The following ADI1 variants were observed in gnomAD, a reference collection of about 807,000 sequenced individuals.
ADI1 encodes acireductone dioxygenase 1, also known as acireductone dioxygenase.
In ADI1, 21 loss-of-function variants were observed where a neutral mutation model predicts 18.7. The observed-to-expected ratio is 1.13, with a 90% CI of 0.80 to 1.62. The LOEUF (loss-of-function observed/expected upper bound fraction) is 1.62, where lower values mean the gene tolerates loss of function less well. Ranked by LOEUF, ADI1 falls within the 40% of genes most tolerant of loss-of-function variation. The pLI is 0.00. For missense variants in ADI1, 245 were observed against 254.9 expected (o/e 0.96, Z 0.26); for synonymous variants, 90 against 100.1 (o/e 0.90, Z 0.60).
chr2:3,511,342 T>C (rs745849282), intron 2 of ADI1, among the ~76,000 whole-genome samples: 15 of 152,048 alleles, frequency 9.9e-5, no homozygotes, highest in Admixed American at 2.0e-4. Context: ...CTTTTTCTTA[T>C]AATTTACTTC....
intron 2 of ADI1, among the ~76,000 whole-genome samples, chr2:3,504,732 T>C (rs969304700): frequency 6.6e-6 from 1 of 152,160 alleles, no homozygotes; most frequent in Non-Finnish European, 1.5e-5. Flanking sequence ...CTGCGTATGT[T>C]TGTATTGTCT....
At chr2:3,501,078 G>C in intron 2 of ADI1, 85 bp from the exon 3 acceptor site, 1 of 1,287,056 alleles carries the variant, frequency 7.8e-7, no homozygotes, top group Non-Finnish European at 1.1e-6. Flanking sequence ...CTGAGCCTTT[G>C]GTGGGCCAGA....
Position 3,516,972 on chromosome 2 carries a change from C to T in ADI1, c.120+2396G>A, listed in dbSNP as rs1034408316. Reference sequence around the variant, plus strand: ...AAACTTCTGGCTTCAGGCAATCTGCCGCCTCAGCCTCCCAAAGTGCTGGGA... The same window carrying T: ...AAACTTCTGGCTTCAGGCAATCTGCTGCCTCAGCCTCCCAAAGTGCTGGGA... On this transcript the variant is annotated intron_variant, in intron 1 of 3. Coordinates refer to ENST00000327435, the MANE Select transcript of ADI1 (RefSeq NM_018269.4). 3.7e-5 allele frequency: 36 copies of T among 979,724 alleles called. 1 individual carries two copies. The highest frequency in any genetic ancestry group is 3.3e-4 in the South Asian group (7 of 21,182). The allele number at this position is 979,724 out of a possible 1,614,324, so 60.7% of individuals were successfully genotyped here. A position where few individuals can be genotyped will look rare whatever the true frequency, so the allele number is the denominator to read the frequency against.
chr2:3,511,527 T>C (rs1346493850), intron 2 of ADI1, among the ~76,000 whole-genome samples: 2 of 152,240 alleles, frequency 1.3e-5, no homozygotes, highest in Non-Finnish European at 1.5e-5. Context: ...AGGAAGCACA[T>C]GCTTCCTGTA....
At chr2:3,511,380 T>C (rs1017358081) in intron 2 of ADI1, among the ~76,000 whole-genome samples, 3 of 151,946 alleles carry the variant, frequency 2.0e-5, no homozygotes, top group Non-Finnish European at 4.4e-5. Context: ...TCTTGTGAGA[T>C]CTGGTCATTT....
intron 3 of ADI1, among the ~76,000 whole-genome samples, chr2:3,499,926 G>T (rs1243842136): frequency 3.9e-5 from 6 of 152,124 alleles, no homozygotes; most frequent in Non-Finnish European, 8.8e-5. Flanking sequence ...TTAGCCGGGC[G>T]TGGTGGTGTG....
intron 1 of ADI1, chr2:3,517,403 C>G (rs1667432441): frequency 6.6e-6 from 1 of 152,150 alleles, no homozygotes; most frequent in Admixed American, 6.5e-5. Flanking sequence ...AGAATAAAAG[C>G]TAATTAGATC....
intron 2 of ADI1, among the ~76,000 whole-genome samples, chr2:3,502,911 G>GA (rs1399531852): frequency 1.3e-5 from 2 of 152,060 alleles, no homozygotes; most frequent in African/African-American, 4.8e-5. Context: ...GGATTGAGAG[G>GA]ATGGGAAAAA....
intron 3 of ADI1, 60 bp from the exon 4 acceptor site, chr2:3,499,142 T>C (rs1666936194): frequency 1.9e-6 from 3 of 1,570,718 alleles, no homozygotes; most frequent in African/African-American, 2.7e-5. Flanking sequence ...CTACTTAGTA[T>C]TTATTAACAT....
chr2:3,507,343 G>A (rs371681167), intron 2 of ADI1, among the ~76,000 whole-genome samples: 41 of 152,120 alleles, frequency 2.7e-4, no homozygotes, highest in Middle Eastern at 3.4e-3. Flanking sequence ...ACACCAAGCA[G>A]GATAAATGCC....
intron 2 of ADI1, among the ~76,000 whole-genome samples, chr2:3,506,500 G>A (rs1302378303): frequency 6.6e-6 from 1 of 152,138 alleles, no homozygotes; most frequent in African/African-American, 2.4e-5. Context: ...AACAAAATAT[G>A]CATAAGATCT....
intron 2 of ADI1, among the ~76,000 whole-genome samples, chr2:3,502,000 TCC>T (rs1491343362): frequency 9.2e-6 from 1 of 108,546 alleles, no homozygotes; most frequent in Admixed American, 9.1e-5. Flanking sequence ...CACCTCCCGC[TCC>T]ACACACACAC....
At chr2:3,517,753 C>G (rs77190954) in intron 1 of ADI1, 3 of 127,216 alleles carry the variant, frequency 2.4e-5, no homozygotes, top group African/African-American at 8.6e-5. Flanking sequence ...GCAAAAAGAG[C>G]AAAAAAAAAA....
chr2:3,506,361 T>C (rs558797070), intron 2 of ADI1, among the ~76,000 whole-genome samples: 114 of 152,300 alleles, frequency 7.5e-4, no homozygotes, highest in Admixed American at 1.5e-3. Flanking sequence ...GTTTGCAGGA[T>C]ACAGGGTTAA....
chr2:3,515,408 C>A (rs148727329), intron 1 of ADI1: 9,923 of 151,796 alleles, frequency 0.065, 457 homozygotes, highest in Non-Finnish European at 0.099. Flanking sequence ...GGAAAAACTC[C>A]ACCCTGGTAA....
chr2:3,514,853 G>C, intron 1 of ADI1: 2 of 1,548,666 alleles, frequency 1.3e-6, no homozygotes, highest in Non-Finnish European at 1.7e-6. Context: ...ACCCCGAATG[G>C]AGGGACCGGC....
intron 2 of ADI1, 137 bp downstream of exon 2, chr2:3,513,720 A>C (rs757377139): frequency 3.2e-6 from 3 of 925,342 alleles, no homozygotes; most frequent in Non-Finnish European, 4.6e-6. Context: ...TATAAATTAC[A>C]CAGTTTCAGG....
intron 1 of ADI1, chr2:3,514,814 A>G: frequency 6.5e-7 from 1 of 1,549,044 alleles, no homozygotes; most frequent in African/African-American, 1.4e-5. Context: ...TTACTGAACA[A>G]CAAACTCCAG....
chr2:3,497,768 A>C lies in ADI1; in HGVS notation c.*1195T>G, dbSNP rs1223522094. 1 of 152,238 alleles carries C rather than the reference A, an allele frequency of 6.6e-6. No homozygotes were observed. The highest frequency in any genetic ancestry group is 1.5e-5 in the Non-Finnish European group (1 of 68,036). The allele number at this position is 152,238 out of a possible 1,614,324, so 9.4% of individuals were successfully genotyped here. On this transcript the variant is annotated 3_prime_UTR_variant, in exon 4 of 4. Transcript: ENST00000327435. ...CGCAGGAGGCCAGCCCCGCACGAGGAGTTTCAAACACTAAGGATCCTGACA... is the reference window on the plus strand; with the variant it reads ...CGCAGGAGGCCAGCCCCGCACGAGGCGTTTCAAACACTAAGGATCCTGACA...
Sources: gnomAD v4.1 joint callset for allele counts (sites outside exome capture counted in the v4.1 genomes callset) on GRCh38, gnomAD v4.1.1 for gene constraint, MANE v1.5 for transcripts, NCBI Gene and HGNC (gene_info 2026-07-23, HGNC 2026-07-21) for gene names.